The following TRMT2B variants were observed in gnomAD, a reference collection of about 807,000 sequenced individuals.
TRMT2B encodes the protein tRNA methyltransferase 2B, also known as tRNA (uracil-5-)-methyltransferase homolog B.
In TRMT2B, 34 loss-of-function variants were observed where a neutral mutation model predicts 39.7. The observed-to-expected ratio is 0.86, with a 90% CI of 0.65 to 1.14. The LOEUF is 1.14. TRMT2B is among the 50% of genes most tolerant of loss of function. The pLI is 0.00. For synonymous variants in TRMT2B, 132 were observed against 137.3 expected, an observed-to-expected ratio of 0.96 and a Z score of 0.27; for missense variants, 318 against 377.2, an observed-to-expected ratio of 0.84 and a Z score of 1.30.
chrX:100,987,392 G>A, the TRMT2B span: 13 of 1,207,595 alleles, frequency 1.1e-5, no homozygotes, highest in East Asian at 3.9e-4. Flanking sequence ...TGTCACAGGA[G>A]CCATGTTCAG....
rs771555485 is a variant in TRMT2B at position 101,019,042 on chromosome X, G to A, written c.1317C>T (p.Asn439=). 3 of 1,206,544 alleles carry A rather than the reference G, an allele frequency of 2.5e-6. No individual in the cohort carries two copies. Among genetic ancestry groups the A allele is most frequent in the Non-Finnish European group, 2.2e-6 (2 of 890,782 alleles). The part of the protein sequence containing the change: ...LHYKVIQAIR[N]FRAIHTLVFV... ...AAACTAGCGTGTGGATGGCCCTGAA[G>A]TTTCGAATGGCTTGAATCACCTTGT... Residue 439 remains asparagine, a synonymous_variant, in exon 13 of 14, where the codon AAC becomes AAT. Coordinates refer to ENST00000372936, the MANE Select transcript of TRMT2B (RefSeq NM_024917.6).
At chrX:101,030,502 G>A (rs978526898) in intron 7 of TRMT2B, among the ~76,000 whole-genome samples, 4 of 86,485 alleles carry the variant, frequency 4.6e-5, no homozygotes, top group Non-Finnish European at 6.4e-5. Flanking sequence ...CCAGGCTGGA[G>A]TGCAGTGGCG....
At chrX:101,039,156 G>A (rs1382177809) in intron 4 of TRMT2B, among the ~76,000 whole-genome samples, 1 of 110,466 alleles carries the variant, frequency 9.1e-6, no homozygotes, top group Non-Finnish European at 1.9e-5. Context: ...TGCAACCTCC[G>A]CCTCCTGGGT....
intron 7 of TRMT2B, among the ~76,000 whole-genome samples, chrX:101,030,998 G>T (rs1309195880): frequency 1.8e-5 from 2 of 109,259 alleles, no homozygotes; most frequent in African/African-American, 6.7e-5. Context: ...TTGACACAGG[G>T]TCTTGCTCTA....
At chrX:101,048,602 C>G (rs1467123599) in intron 2 of TRMT2B, among the ~76,000 whole-genome samples, 4 of 112,339 alleles carry the variant, frequency 3.6e-5, no homozygotes, top group Non-Finnish European at 5.6e-5. Flanking sequence ...TTGCACCCAA[C>G]TAATTTTTGT....
chrX:101,024,829 A>G (rs929439977), intron 7 of TRMT2B, among the ~76,000 whole-genome samples: 1 of 109,668 alleles, frequency 9.1e-6, no homozygotes, highest in Non-Finnish European at 1.9e-5. Flanking sequence ...TCAAAAAAAC[A>G]GCAACAACAA....
chrX:101,037,321 T>C (rs1328279643), intron 5 of TRMT2B: 9 of 354,138 alleles, frequency 2.5e-5, no homozygotes, highest in Non-Finnish European at 4.4e-5. Context: ...AATTTAGGGC[T>C]TTGCAGGCCA....
chrX:100,975,020 TC>T, the TRMT2B span, among the ~76,000 whole-genome samples: 3 of 111,014 alleles, frequency 2.7e-5, no homozygotes, highest in Admixed American at 9.6e-5. Flanking sequence ...TCTCCATTTG[TC>T]CCCCCCAGTA....
At position 101,042,325 on chromosome X, in the gene TRMT2B, T is replaced by C. The variant is rs761041874; in HGVS notation, c.-23-13A>G. 2.9e-5 allele frequency: 34 copies of C among 1,189,502 alleles called. No homozygotes were observed. In the South Asian group the frequency reaches 5.8e-4, roughly 20 times the overall value. ...CACTGAAATCCACCTGCATGAAAGGTACACATACAGAGGTTGGGAAATAGA... is the reference window on the plus strand; with the variant it reads ...CACTGAAATCCACCTGCATGAAAGGCACACATACAGAGGTTGGGAAATAGA... On this transcript the variant is annotated splice_polypyrimidine_tract_variant and intron_variant, in intron 2 of 13. Transcript: ENST00000372936.
chrX:100,973,377 C>A, the TRMT2B span, among the ~76,000 whole-genome samples: 1 of 99,490 alleles, frequency 1.0e-5, no homozygotes, highest in African/African-American at 3.7e-5. Context: ...GCTCCTTGCC[C>A]TCGGGCCCCG....
intron 7 of TRMT2B, among the ~76,000 whole-genome samples, chrX:101,033,879 G>A (rs1039136052): frequency 1.1e-5 from 1 of 90,592 alleles, no homozygotes; most frequent in Non-Finnish European, 2.2e-5. Flanking sequence ...TTTCACTCTT[G>A]TTGCCCAGGC....
At chrX:101,028,488 A>C (rs1399332142) in intron 7 of TRMT2B, among the ~76,000 whole-genome samples, 1 of 110,754 alleles carries the variant, frequency 9.0e-6, no homozygotes, top group Non-Finnish European at 1.9e-5. Flanking sequence ...CTCAATGTAT[A>C]TCCATCTCCA....
chrX:101,022,802 A>G (rs938029482), intron 8 of TRMT2B, among the ~76,000 whole-genome samples: 1 of 110,972 alleles, frequency 9.0e-6, no homozygotes, highest in African/African-American at 3.3e-5. Flanking sequence ...GTCTCAAAAT[A>G]TAAAAAATAA....
In TRMT2B at chrX:101,021,117, G is replaced by A. The variant is rs181238058; in HGVS notation, c.1050C>T (p.Asp350=). ...TGVNSDTILL[D]ICCGTGVIGL... ...TCCACTTGCCAGTTCCACAGCAGAT[G>A]TCAAGAAGGATGGTGTCAGAGTTCA... The change falls in exon 10 of 14, where the codon GAC becomes GAT. Residue 350 remains aspartate (D), a synonymous_variant. Coordinates refer to ENST00000372936, the MANE Select transcript of TRMT2B (RefSeq NM_024917.6). The A allele has an allele frequency of 2.5e-5, 30 of 1,209,088 alleles. No homozygotes were observed. The East Asian group carries it at 8.0e-4, about 32-fold the overall frequency.
At chrX:101,019,535 G>GA in intron 11 of TRMT2B, 132 bp from the exon 12 acceptor site, 2 of 822,050 alleles carry the variant, frequency 2.4e-6, no homozygotes, top group Non-Finnish European at 1.7e-6. Context: ...AAGTAACAAG[G>GA]AAAGAAGTGC....
At chrX:101,045,066 T>C (rs1228440541) in intron 2 of TRMT2B, among the ~76,000 whole-genome samples, 1 of 105,765 alleles carries the variant, frequency 9.5e-6, no homozygotes, top group East Asian at 3.0e-4. Context: ...CTCATGTCTG[T>C]AATCCCAGCA....
the TRMT2B span, chrX:100,986,856 A>G: frequency 8.3e-7 from 1 of 1,203,172 alleles, no homozygotes; most frequent in Admixed American, 2.2e-5. Context: ...TTGACTATCT[A>G]CTTCTAAAGA....
intron 2 of TRMT2B, among the ~76,000 whole-genome samples, chrX:101,044,120 T>C (rs913003720): frequency 4.6e-5 from 5 of 109,812 alleles, no homozygotes; most frequent in Non-Finnish European, 9.5e-5. Context: ...CAGGCACCTA[T>C]AGTCCCAGCT....
chrX:100,974,027 C>A, the TRMT2B span: 1 of 697,223 alleles, frequency 1.4e-6, no homozygotes, highest in Non-Finnish European at 2.2e-6. Flanking sequence ...GAGATTACTG[C>A]AGGCAGAGTC....
Sources: gnomAD v4.1 joint callset for allele counts (sites outside exome capture counted in the v4.1 genomes callset) on GRCh38, gnomAD v4.1.1 for gene constraint, MANE v1.5 for transcripts, NCBI Gene and HGNC (gene_info 2026-07-23, HGNC 2026-07-21) for gene names.